LDAH: variants seen among roughly 807,000 people sequenced by gnomAD.
LDAH encodes lipid droplet-associated hydrolase.
Under a neutral mutation model 29.6 loss-of-function variants are expected in LDAH, and 26 were observed. The ratio of observed to expected loss-of-function variants is 0.88; its 90% CI spans 0.64 to 1.22. The LOEUF is 1.22. LDAH is among the 50% of genes most tolerant of loss of function. LDAH has a pLI of 0.00. For missense variants in LDAH, 344 were observed against 387.3 expected (o/e 0.89, Z 0.94); for synonymous variants, 117 against 133.0 (o/e 0.88, Z 0.83).
intron 4 of LDAH, among the ~76,000 whole-genome samples, chr2:20,741,871 T>C (rs935765610): frequency 6.6e-6 from 1 of 152,212 alleles, no homozygotes; most frequent in African/African-American, 2.4e-5. Context: ...CATCTGCTGA[T>C]GGACACTTAG....
In LDAH at chr2:20,696,140, A is replaced by G. The variant is rs151104243; in HGVS notation, c.786+5430T>C. 6.2e-4 allele frequency among the ~76,000 whole-genome samples: 94 copies of G among 152,372 alleles called. No individual in the cohort carries two copies. The East Asian group carries it at 0.015, about 24-fold the overall frequency. On this transcript the variant is annotated intron_variant, in intron 6 of 6. Coordinates refer to ENST00000237822, the MANE Select transcript of LDAH (RefSeq NM_021925.4). ...CAGAACTAACACAATCCGTTTCAGA[A>G]TACCGAGGCTTGGCGGAAAGGCAGG...
chr2:20,700,976 C>T (rs1663888046), intron 6 of LDAH, among the ~76,000 whole-genome samples: 1 of 152,092 alleles, frequency 6.6e-6, no homozygotes, highest in African/African-American at 2.4e-5. Flanking sequence ...ACAAATGATG[C>T]CACAGGAGTA....
At chr2:20,796,186 C>T (rs1298356766) in intron 2 of LDAH, among the ~76,000 whole-genome samples, 1 of 152,184 alleles carries the variant, frequency 6.6e-6, no homozygotes, top group African/African-American at 2.4e-5. Flanking sequence ...CTGGCTCTCC[C>T]CTGTAATGGG....
intron 3 of LDAH, 102 bp from the exon 4 acceptor site, chr2:20,775,081 T>A: frequency 9.7e-7 from 1 of 1,033,552 alleles, no homozygotes; most frequent in Non-Finnish European, 1.4e-6. Context: ...TTACCATTTA[T>A]CGAAAGCCTA....
intron 4 of LDAH, among the ~76,000 whole-genome samples, chr2:20,771,060 A>G (rs1053236871): frequency 2.2e-4 from 33 of 152,244 alleles, no homozygotes; most frequent in African/African-American, 7.7e-4. Flanking sequence ...TATACTGAGC[A>G]CTAATTTCAA....
At chr2:20,689,949 G>T (rs1232756978) in intron 6 of LDAH, among the ~76,000 whole-genome samples, 1 of 152,198 alleles carries the variant, frequency 6.6e-6, no homozygotes, top group Non-Finnish European at 1.5e-5. Context: ...AGACAGAAAA[G>T]ACCTCATCTA....
At chr2:20,689,820 CA>C (rs1662861984) in intron 6 of LDAH, among the ~76,000 whole-genome samples, 1 of 152,294 alleles carries the variant, frequency 6.6e-6, no homozygotes, top group South Asian at 2.1e-4. Context: ...TCCTCTGCTG[CA>C]GGGCATGCTC....
At chr2:20,795,823 A>C (rs1324743127) in intron 2 of LDAH, among the ~76,000 whole-genome samples, 1 of 152,116 alleles carries the variant, frequency 6.6e-6, no homozygotes, top group Non-Finnish European at 1.5e-5. Flanking sequence ...TTTAAAATGA[A>C]ATGTTATGTC....
rs532079755 is a variant in LDAH at position 20,808,522 on chromosome 2, G to A, written c.-2-7057C>T. ...ACTAAGAATACAAAAAAATTAGCCGGGCGTGGTGGCGGGCGTCTATAATCC... is the reference window on the plus strand; with the variant it reads ...ACTAAGAATACAAAAAAATTAGCCGAGCGTGGTGGCGGGCGTCTATAATCC... On this transcript the variant is annotated intron_variant, in intron 1 of 6. Coordinates refer to ENST00000237822, the MANE Select transcript of LDAH (RefSeq NM_021925.4). Among the ~76,000 whole-genome samples the A allele has an allele frequency of 6.6e-5, 10 of 152,178 alleles. No homozygotes were observed. The South Asian group carries it at 2.1e-3, about 32-fold the overall frequency.
At chr2:20,738,273 A>G (rs1378918824) in intron 5 of LDAH, among the ~76,000 whole-genome samples, 1 of 148,548 alleles carries the variant, frequency 6.7e-6, no homozygotes, top group Non-Finnish European at 1.5e-5. Flanking sequence ...AATAATAATA[A>G]TAATAATAAT....
chr2:20,745,152 C>A (rs143734399), intron 4 of LDAH, among the ~76,000 whole-genome samples: 93 of 152,290 alleles, frequency 6.1e-4, no homozygotes, highest in East Asian at 4.2e-3. Context: ...GCATGTACTT[C>A]TGTTGGCTGT....
At chr2:20,822,824 G>A (rs1236835638) in intron 1 of LDAH, among the ~76,000 whole-genome samples, 1 of 152,214 alleles carries the variant, frequency 6.6e-6, no homozygotes, top group Non-Finnish European at 1.5e-5. Context: ...GTGAGCGACT[G>A]CCCGGCCTGC....
At chr2:20,742,298 C>T (rs189618436) in intron 4 of LDAH, among the ~76,000 whole-genome samples, 3 of 152,272 alleles carry the variant, frequency 2.0e-5, no homozygotes, top group East Asian at 3.9e-4. Flanking sequence ...AGTCTATAGA[C>T]GTCAATTATA....
At chr2:20,699,223 G>A (rs1050266785) in intron 6 of LDAH, among the ~76,000 whole-genome samples, 79 of 152,130 alleles carry the variant, frequency 5.2e-4, no homozygotes, top group Non-Finnish European at 1.5e-4. Context: ...GTTTCTGAAC[G>A]CCTTTGTTTG....
chr2:20,707,645 G>A (rs1045027133), intron 5 of LDAH, among the ~76,000 whole-genome samples: 8 of 152,174 alleles, frequency 5.3e-5, no homozygotes, highest in Non-Finnish European at 1.2e-4. Flanking sequence ...CAGCACAATT[G>A]TATGAGAAAT....
chr2:20,733,725 G>A (rs980698724), intron 5 of LDAH, among the ~76,000 whole-genome samples: 2 of 151,906 alleles, frequency 1.3e-5, no homozygotes, highest in Non-Finnish European at 2.9e-5. Context: ...TTTTTATAGA[G>A]ACAGGGCCTC....
intron 3 of LDAH, among the ~76,000 whole-genome samples, chr2:20,782,786 ATTT>A (rs539660853): frequency 2.0e-5 from 3 of 151,660 alleles, no homozygotes; most frequent in Non-Finnish European, 2.9e-5. Flanking sequence ...TGGTTTGTTG[ATTT>A]TTTTTCTAAT....
At chr2:20,813,654 G>T (rs1213985333) in intron 1 of LDAH, among the ~76,000 whole-genome samples, 6 of 152,148 alleles carry the variant, frequency 3.9e-5, no homozygotes, top group Non-Finnish European at 5.9e-5. Flanking sequence ...GATGTTGCCA[G>T]ATTATTCTCA....
intron 1 of LDAH, among the ~76,000 whole-genome samples, chr2:20,815,243 T>C: frequency 6.6e-6 from 1 of 151,994 alleles, no homozygotes; most frequent in East Asian, 1.9e-4. Context: ...TTACTTAGTC[T>C]GAACACAGAA....
Sources: gnomAD v4.1 joint callset for allele counts (sites outside exome capture counted in the v4.1 genomes callset) on GRCh38, gnomAD v4.1.1 for gene constraint, MANE v1.5 for transcripts, NCBI Gene and HGNC (gene_info 2026-07-23, HGNC 2026-07-21) for gene names.